C14orf132: variants seen among roughly 807,000 people sequenced by gnomAD.
C14orf132 encodes the protein uncharacterized protein C14orf132.
A neutral mutation model predicts 5.8 loss-of-function variants in C14orf132; 6 were observed. The observed-to-expected ratio is 1.03, with a 90% CI of 0.57 to 2.04. The LOEUF (loss-of-function observed/expected upper bound fraction) is 2.04, where lower values mean the gene tolerates loss of function less well. C14orf132 is among the 30% of genes most tolerant of loss of function. The pLI is 0.00. For missense variants in C14orf132, 125 were observed against 115.8 expected, an observed-to-expected ratio of 1.08 and a Z score of -0.37; for synonymous variants, 51 against 49.8, an observed-to-expected ratio of 1.02 and a Z score of -0.10.
rs1005400589 is a variant in C14orf132, at chr14:96,091,120, G to A, written c.*4385G>A. 5 of 416,154 alleles carry A rather than the reference G, an allele frequency of 1.2e-5. No homozygotes were observed. Among genetic ancestry groups the A allele is most frequent in the Admixed American group, 7.6e-5 (3 of 39,356 alleles). 25.8% of individuals were successfully genotyped at this position (416,154 alleles called of 1,614,324 possible). A position where few individuals can be genotyped will look rare whatever the true frequency, so the allele number is the denominator to read the frequency against. On this transcript the variant is annotated 3_prime_UTR_variant, in exon 2 of 2. Transcript: ENST00000555004. The stretch of plus-strand genomic sequence containing the variant: ...CTGAGGCCAGGGCTGAACGCTCACA[G>A]CTAAGGAGCTGTGATTCAGACCCAG...
intron 1 of C14orf132, among the ~76,000 whole-genome samples, chr14:96,049,533 TATAC>T (rs1886942978): frequency 2.1e-5 from 3 of 141,814 alleles, no homozygotes; most frequent in Non-Finnish European, 4.6e-5. Flanking sequence ...TATACACATA[TATAC>T]ATACGTATAT....
chr14:96,089,651 C>T lies in C14orf132; in HGVS notation c.*2916C>T, dbSNP rs1314894647. 6.6e-6 allele frequency: 1 copy of T among 152,352 alleles called. No homozygotes were observed. Among genetic ancestry groups the T allele is most frequent in the Non-Finnish European group, 1.5e-5 (1 of 68,182 alleles). 9.4% of individuals were successfully genotyped at this position (152,352 alleles called of 1,614,324 possible). A position where few individuals can be genotyped will look rare whatever the true frequency, so the allele number is the denominator to read the frequency against. Reference sequence around the variant, plus strand: ...TGGAACATGCTCAACCTCCCGCCCACTGCTCTCTCTCTGCCCAGATTTCAG... The same window carrying T: ...TGGAACATGCTCAACCTCCCGCCCATTGCTCTCTCTCTGCCCAGATTTCAG... On this transcript the variant is annotated 3_prime_UTR_variant, in exon 2 of 2. Transcript: ENST00000555004.
rs144853482 is a variant in C14orf132, at chr14:96,090,119, G to T, written c.*3384G>T. ...TTAGGTGATTCAAAAGAGCAACTTA[G>T]GCTGGGTGCAGTGACTCACACCCGT... On this transcript the variant is annotated 3_prime_UTR_variant, in exon 2 of 2. Transcript: ENST00000555004. 46 of 156,600 alleles carry T rather than the reference G, an allele frequency of 2.9e-4. No individual in the cohort carries two copies. The highest frequency in any genetic ancestry group is 4.8e-4 in the Non-Finnish European group (34 of 71,204). 9.7% of individuals were successfully genotyped at this position (156,600 alleles called of 1,614,324 possible).
chr14:96,079,448 G>A (rs942125555), intron 1 of C14orf132, among the ~76,000 whole-genome samples: 2 of 151,800 alleles, frequency 1.3e-5, no homozygotes, highest in African/African-American at 4.8e-5. Flanking sequence ...TCCTCTCTCT[G>A]TGAAAGTGCA....
At chr14:96,076,712 T>C (rs10143045) in intron 1 of C14orf132, among the ~76,000 whole-genome samples, 83,246 of 151,888 alleles carry the variant, frequency 0.55, 23,362 homozygotes, top group East Asian at 0.9. Flanking sequence ...AGCCCGTGGG[T>C]TGTGGGTTGG....
At chr14:96,056,194 A>G (rs972547261) in intron 1 of C14orf132, among the ~76,000 whole-genome samples, 1 of 152,214 alleles carries the variant, frequency 6.6e-6, no homozygotes, top group African/African-American at 2.4e-5. Context: ...ACAATTTGCA[A>G]GCCTCTTGCA....
chr14:96,092,435 G>T lies in C14orf132; in HGVS notation c.*5700G>T, dbSNP rs1470262752. On this transcript the variant is annotated 3_prime_UTR_variant, in exon 2 of 2. Coordinates refer to ENST00000555004, the MANE Select transcript of C14orf132 (RefSeq NM_001252507.3). ...TGCACAGCATATTTGCAGGGAATTT[G>T]CAGGCCTCGATTATTGGGGGAATCA... The T allele has an allele frequency of 6.6e-6, 1 of 152,184 alleles. No individual in the cohort carries two copies. The highest frequency in any genetic ancestry group is 6.5e-5 in the Admixed American group (1 of 15,274). The allele number at this position is 152,184 out of a possible 1,614,324, so 9.4% of individuals were successfully genotyped here.
chr14:96,080,832 C>A (rs960628038), intron 1 of C14orf132, among the ~76,000 whole-genome samples: 2 of 152,170 alleles, frequency 1.3e-5, no homozygotes, highest in Non-Finnish European at 2.9e-5. Flanking sequence ...GGGGCAGGGA[C>A]CCCAAGCCTG....
At position 96,064,912 on chromosome 14, in the gene C14orf132, G is replaced by A. The variant is rs567252338; in HGVS notation, c.28-21599G>A. Among the ~76,000 whole-genome samples the A allele has an allele frequency of 2.6e-5, 4 of 152,240 alleles. No homozygotes were observed. In the South Asian group the frequency reaches 8.3e-4, roughly 32 times the overall value. On this transcript the variant is annotated intron_variant, in intron 1 of 1. Transcript: ENST00000555004. ...TTTGCATTTTCCATGCTGGGATTCC[G>A]CTCTGGCCAGCTCTGTTGAACAGGC...
At chr14:96,067,285 C>A (rs1887559825) in intron 1 of C14orf132, among the ~76,000 whole-genome samples, 1 of 152,182 alleles carries the variant, frequency 6.6e-6, no homozygotes, top group Non-Finnish European at 1.5e-5. Context: ...GATAGGAAAG[C>A]CAGTGTGGCC....
intron 1 of C14orf132, among the ~76,000 whole-genome samples, chr14:96,048,529 T>G (rs1419167807): frequency 6.6e-6 from 1 of 152,174 alleles, no homozygotes; most frequent in Non-Finnish European, 1.5e-5. Context: ...TTTTTATTTA[T>G]TTTTTATATT....
chr14:96,081,632 G>A (rs1172922943), intron 1 of C14orf132, among the ~76,000 whole-genome samples: 5 of 152,240 alleles, frequency 3.3e-5, no homozygotes, highest in South Asian at 4.2e-4. Flanking sequence ...ACAGGGTCTC[G>A]CTGGCACGCA....
At chr14:96,063,163 G>C (rs1887415770) in intron 1 of C14orf132, among the ~76,000 whole-genome samples, 2 of 152,180 alleles carry the variant, frequency 1.3e-5, no homozygotes, top group Non-Finnish European at 2.9e-5. Flanking sequence ...TTGACTTGCA[G>C]CTGGGGCGGG....
rs555721419 is a variant in C14orf132 at position 96,084,215 on chromosome 14, G to A, written c.28-2296G>A. On this transcript the variant is annotated intron_variant, in intron 1 of 1. Coordinates refer to ENST00000555004, the MANE Select transcript of C14orf132 (RefSeq NM_001252507.3). The stretch of plus-strand genomic sequence containing the variant: ...GCAGCATGGGCCTGGTGAGAGAGAA[G>A]AGACAAGAAGCAATGAGTGGGAAGG... Among the ~76,000 whole-genome samples, 144 of 152,324 alleles carry A rather than the reference G, an allele frequency of 9.5e-4. No homozygotes were observed. The Middle Eastern group carries it at 0.01, about 11-fold the overall frequency.
intron 1 of C14orf132, among the ~76,000 whole-genome samples, chr14:96,076,125 TTGAG>T (rs1349091915): frequency 6.6e-6 from 1 of 152,228 alleles, no homozygotes; most frequent in African/African-American, 2.4e-5. Flanking sequence ...TCTTTTTTTC[TTGAG>T]TAAGTTTTGG....
rs754803582 is a variant in C14orf132, at chr14:96,086,564, C to T, written c.81C>T (p.Thr27=). Residue 27 remains threonine (T), a synonymous_variant, in exon 2 of 2, where the codon ACC becomes ACT. Coordinates refer to ENST00000555004, the MANE Select transcript of C14orf132 (RefSeq NM_001252507.3). ...ACTCGCCCAACGAGGACTTCAGCAC[C>T]GAGTACTCCCTGTTTAACTCCTCTG... ...FMDSPNEDFS[T]EYSLFNSSAN... is the part of the protein sequence containing the mutation. 6.1e-5 allele frequency: 94 copies of T among 1,536,116 alleles called. No individual in the cohort carries two copies. The East Asian group carries it at 1.3e-3, about 21-fold the overall frequency.
chr14:96,084,735 C>T (rs942667640), intron 1 of C14orf132, among the ~76,000 whole-genome samples: 1 of 152,142 alleles, frequency 6.6e-6, no homozygotes, highest in African/African-American at 2.4e-5. Context: ...CCTGGCCTGC[C>T]CTGAGCCCCA....
chr14:96,051,935 C>T (rs1016099284), intron 1 of C14orf132, among the ~76,000 whole-genome samples: 18 of 152,250 alleles, frequency 1.2e-4, no homozygotes, highest in Admixed American at 4.6e-4. Flanking sequence ...GCAGGAGCCC[C>T]GCCCTCTGGT....
Position 96,071,384 on chromosome 14 carries a change from A to G in C14orf132, c.28-15127A>G, listed in dbSNP as rs554699055. 1.1e-4 allele frequency among the ~76,000 whole-genome samples: 17 copies of G among 152,214 alleles called. No individual in the cohort carries two copies. The South Asian group carries it at 3.5e-3, about 32-fold the overall frequency. On this transcript the variant is annotated intron_variant, in intron 1 of 1. Transcript: ENST00000555004. ...AATTCAAGATGAGATTTGGGTGGGG[A>G]CACAGCCAAACCATTTCACTCTTCC...
Sources: allele counts gnomAD v4.1 joint callset (sites outside exome capture counted in the v4.1 genomes callset), GRCh38; gene constraint gnomAD v4.1.1; transcripts MANE v1.5; gene names NCBI Gene and HGNC (gene_info 2026-07-23, HGNC 2026-07-21).